The following SIPA1L2 variants were observed in gnomAD, a reference collection of about 807,000 sequenced individuals.
The protein encoded by SIPA1L2 is signal induced proliferation associated 1 like 2.
In SIPA1L2, 56 loss-of-function variants were observed where a neutral mutation model predicts 163.9. The observed-to-expected ratio is 0.34, with a 90% CI of 0.28 to 0.43. The LOEUF (loss-of-function observed/expected upper bound fraction) is 0.43. Ranked by LOEUF, SIPA1L2 falls within the 20% of genes least tolerant of loss-of-function variation. The pLI is 1.00. For synonymous variants in SIPA1L2, 877 were observed against 865.7 expected, an observed-to-expected ratio of 1.01 and a Z score of -0.23; for missense variants, 1,974 against 2,193.5, an observed-to-expected ratio of 0.90 and a Z score of 2.00.
chr1:232,596,181 G>A (rs1661246669), intron 1 of SIPA1L2, among the ~76,000 whole-genome samples: 1 of 152,180 alleles, frequency 6.6e-6, no homozygotes, highest in Admixed American at 6.5e-5. Context: ...GGCTAGTCTT[G>A]AAGTGGTTCT....
At chr1:232,539,961 G>A (rs1017935455) in intron 2 of SIPA1L2, among the ~76,000 whole-genome samples, 3 of 152,142 alleles carry the variant, frequency 2.0e-5, no homozygotes, top group South Asian at 2.1e-4. Context: ...TGCCCAATGC[G>A]AATGCCTGTA....
At chr1:232,448,986 T>C (rs1663384371) in intron 10 of SIPA1L2, among the ~76,000 whole-genome samples, 1 of 152,034 alleles carries the variant, frequency 6.6e-6, no homozygotes, top group African/African-American at 2.4e-5. Flanking sequence ...GGGTCACTTC[T>C]CCTTCCTCTA....
chr1:232,459,066 G>T (rs1664085466), intron 10 of SIPA1L2, among the ~76,000 whole-genome samples: 1 of 152,158 alleles, frequency 6.6e-6, no homozygotes, highest in Admixed American at 6.5e-5. Context: ...TGAGGCTGGA[G>T]GCAAATGCTA....
intron 18 of SIPA1L2, among the ~76,000 whole-genome samples, chr1:232,416,561 T>C (rs974506374): frequency 1.3e-5 from 2 of 152,234 alleles, no homozygotes; most frequent in African/African-American, 2.4e-5. Context: ...GTAAGAAGTA[T>C]TGGAACAATC....
At chr1:232,561,949 A>C (rs1573085620) in intron 2 of SIPA1L2, among the ~76,000 whole-genome samples, 1 of 152,202 alleles carries the variant, frequency 6.6e-6, no homozygotes, top group East Asian at 1.9e-4. Context: ...CCAGAGGTAA[A>C]GAGGAGGCCA....
intron 16 of SIPA1L2, among the ~76,000 whole-genome samples, chr1:232,429,728 C>T (rs556458754): frequency 5.9e-5 from 9 of 152,016 alleles, no homozygotes; most frequent in Non-Finnish European, 8.8e-5. Flanking sequence ...CGCTGGAGGG[C>T]TTTTGCACAA....
intron 1 of SIPA1L2, among the ~76,000 whole-genome samples, chr1:232,608,047 C>CAAAAAAAAAAAAAAAAAAAAA (rs56208215): frequency 3.0e-5 from 2 of 67,498 alleles, no homozygotes; most frequent in African/African-American, 6.8e-5. Context: ...AACTCCATCT[C>CAAAAAAAAAAAAAAAAAAAAA]AAAAAAAAAA....
At chr1:232,403,908 G>A (rs1444955070) in intron 20 of SIPA1L2, among the ~76,000 whole-genome samples, 1 of 152,128 alleles carries the variant, frequency 6.6e-6, no homozygotes, top group Non-Finnish European at 1.5e-5. Context: ...ATAATAGTTG[G>A]ATAATGACTC....
intron 2 of SIPA1L2, among the ~76,000 whole-genome samples, chr1:232,525,503 G>A (rs1186418371): frequency 2.0e-5 from 3 of 149,398 alleles, no homozygotes; most frequent in African/African-American, 5.0e-5. Flanking sequence ...CAATCTGCCC[G>A]CCTTGGCCTC....
chr1:232,465,365 G>C lies in SIPA1L2; in HGVS notation c.2295C>G (p.Pro765=). The change falls in exon 9 of 23, where the codon CCC becomes CCG. Residue 765 remains proline (P), a synonymous_variant. Coordinates refer to ENST00000674635, the MANE Select transcript of SIPA1L2 (RefSeq NM_020808.5). This position sits in a 1 kb window ranked among gnomAD's most constrained non-coding sequence, Gnocchi z 4.1. ...CTGACTTTGGAAAAGTTACACCTTT[G>C]GGAATCGGTGGGCCAAATGGTGGCA... The part of the protein sequence containing the change: ...KDVPPFGPPI[P]KGVTFPKSAV... 6.2e-7 allele frequency: 1 copy of C among 1,613,534 alleles called. No individual in the cohort carries two copies.
chr1:232,509,401 A>G (rs1385765166), intron 3 of SIPA1L2, among the ~76,000 whole-genome samples: 4 of 152,244 alleles, frequency 2.6e-5, no homozygotes, highest in African/African-American at 4.8e-5. Context: ...AGCACAGAAC[A>G]AAATAAAAGC....
At chr1:232,532,448 T>C (rs1322763681) in intron 2 of SIPA1L2, among the ~76,000 whole-genome samples, 2 of 152,198 alleles carry the variant, frequency 1.3e-5, no homozygotes, top group Admixed American at 6.5e-5. Flanking sequence ...AACAGTATTT[T>C]TGCTGTTGTC....
intron 1 of SIPA1L2, among the ~76,000 whole-genome samples, chr1:232,591,816 A>T (rs1448319816): frequency 1.3e-5 from 2 of 152,210 alleles, no homozygotes; most frequent in Non-Finnish European, 2.9e-5. Flanking sequence ...TTCAAAATCC[A>T]GTTTATCCCA....
chr1:232,406,242 A>G (rs1660626088), intron 19 of SIPA1L2, among the ~76,000 whole-genome samples: 1 of 152,206 alleles, frequency 6.6e-6, no homozygotes, highest in Non-Finnish European at 1.5e-5. Flanking sequence ...CCATCAGAAA[A>G]GACAGGCACA....
intron 2 of SIPA1L2, among the ~76,000 whole-genome samples, chr1:232,553,255 C>T (rs1361830069): frequency 1.3e-5 from 2 of 152,180 alleles, no homozygotes; most frequent in Non-Finnish European, 2.9e-5. Context: ...TCGAACTTCT[C>T]TGGATATTCA....
At position 232,459,139 on chromosome 1, in the gene SIPA1L2, T is replaced by A. The variant is rs376403375; in HGVS notation, c.3095+1748A>T. ...ACATTAACCATAGAGGAAGACAGTG[T>A]AAGTGGCTTTTTTTCCTAAAAGGAG... On this transcript the variant is annotated intron_variant, in intron 10 of 22. Coordinates refer to ENST00000674635, the MANE Select transcript of SIPA1L2 (RefSeq NM_020808.5). 4.6e-5 allele frequency among the ~76,000 whole-genome samples: 7 copies of A among 152,246 alleles called. No homozygotes were observed. In the South Asian group the frequency reaches 6.2e-4, roughly 13 times the overall value.
In SIPA1L2 at chr1:232,420,048, G is replaced by A. The variant is rs571534241; in HGVS notation, c.4631-4423C>T. ...AGGATATGCACAGTGCTGGCTGAGC[G>A]CGGTGGCTCACACCTGTAATCCCAG... On this transcript the variant is annotated intron_variant, in intron 18 of 22. Transcript: ENST00000674635. 5.5e-4 allele frequency among the ~76,000 whole-genome samples: 84 copies of A among 152,286 alleles called. 1 individual carries two copies. In the South Asian group the frequency reaches 0.013, roughly 23 times the overall value.
chr1:232,541,447 T>C (rs1389494107), intron 2 of SIPA1L2, among the ~76,000 whole-genome samples: 2 of 152,182 alleles, frequency 1.3e-5, no homozygotes, highest in Non-Finnish European at 2.9e-5. Flanking sequence ...TTCTACGGGT[T>C]TCCTGAACTC....
Position 232,515,138 on chromosome 1 carries a change from T to A in SIPA1L2, c.202A>T (p.Thr68Ser). 1 of 1,613,988 alleles carries A rather than the reference T, an allele frequency of 6.2e-7. No individual in the cohort carries two copies. Among genetic ancestry groups the A allele is most frequent in the Non-Finnish European group, 8.5e-7 (1 of 1,179,914 alleles). The change falls in exon 3 of 23, where the codon ACC becomes TCC. Residue 68 changes from threonine to serine, a missense_variant. Physicochemically the swap from Thr to Ser is moderately conservative, Grantham distance 58 (BLOSUM62 1). Coordinates refer to ENST00000674635, the MANE Select transcript of SIPA1L2 (RefSeq NM_020808.5). ...ACACCCATCTTGGGCACAGCTGGGGTACCATTAGCCGGACCACCACCGCCA... is the reference window on the plus strand; with the variant it reads ...ACACCCATCTTGGGCACAGCTGGGGAACCATTAGCCGGACCACCACCGCCA... ...ETGGGGPANG[T>S]PAVPKMGVRA...
Sources: gnomAD v4.1 joint callset for allele counts (sites outside exome capture counted in the v4.1 genomes callset) on GRCh38, gnomAD v4.1.1 for gene constraint, Gnocchi (gnomAD v3.1) non-coding constraint, MANE v1.5 for transcripts, NCBI Gene and HGNC (gene_info 2026-07-23, HGNC 2026-07-21) for gene names.